The following GALK2 variants were observed in gnomAD, a reference collection of about 807,000 sequenced individuals.
The protein encoded by GALK2 is galactokinase 2, also known as N-acetylgalactosamine kinase.
Under a neutral mutation model 52.4 loss-of-function variants are expected in GALK2, and 36 were observed. The observed-to-expected ratio is 0.69, with a 90% CI of 0.53 to 0.91. The LOEUF (loss-of-function observed/expected upper bound fraction) is 0.91. Ranked by LOEUF, GALK2 falls within the 40% of genes least tolerant of loss-of-function variation. GALK2 has a pLI of 0.00. For synonymous variants in GALK2, 176 were observed against 199.1 expected, an observed-to-expected ratio of 0.88 and a Z score of 0.98; for missense variants, 579 against 559.1, an observed-to-expected ratio of 1.04 and a Z score of -0.36.
At chr15:49,231,712 AAG>A (rs2090513358) in intron 3 of GALK2, among the ~76,000 whole-genome samples, 1 of 152,244 alleles carries the variant, frequency 6.6e-6, no homozygotes, top group Admixed American at 6.5e-5. Context: ...AGCCAAAAGA[AAG>A]GGGCTACAGG....
At chr15:49,322,600 A>G (rs1230914524) in intron 9 of GALK2, among the ~76,000 whole-genome samples, 2 of 152,134 alleles carry the variant, frequency 1.3e-5, no homozygotes, top group Admixed American at 1.3e-4. Context: ...CAATCAATAC[A>G]TATTTTCACA....
At chr15:49,211,621 A>G (rs1030985625) in intron 2 of GALK2, among the ~76,000 whole-genome samples, 11 of 152,268 alleles carry the variant, frequency 7.2e-5, no homozygotes, top group African/African-American at 1.7e-4. Context: ...TTGGCTCACA[A>G]TTTTGCAGGC....
At chr15:49,354,270 G>A (rs991993789) in intron 3 of GALK2, among the ~76,000 whole-genome samples, 1 of 152,182 alleles carries the variant, frequency 6.6e-6, no homozygotes, top group Non-Finnish European at 1.5e-5. Context: ...GAACAGCTCC[G>A]GTCTACAGCT....
At chr15:49,298,793 T>C (rs1419426397) in intron 8 of GALK2, among the ~76,000 whole-genome samples, 5 of 152,186 alleles carry the variant, frequency 3.3e-5, no homozygotes, top group African/African-American at 1.2e-4. Flanking sequence ...TGTGATGTAC[T>C]GCTGGATTCA....
intron 2 of GALK2, among the ~76,000 whole-genome samples, chr15:49,203,733 C>A (rs1410935492): frequency 6.6e-6 from 1 of 152,056 alleles, no homozygotes; most frequent in Non-Finnish European, 1.5e-5. Context: ...TATTTTTATT[C>A]TTTTGCATAT....
At chr15:49,326,455 T>C (rs1257318867) in intron 9 of GALK2, among the ~76,000 whole-genome samples, 1 of 152,108 alleles carries the variant, frequency 6.6e-6, no homozygotes, top group East Asian at 1.9e-4. Context: ...TTTCACCATG[T>C]TGGTCAGGCT....
At chr15:49,336,413 C>T (rs2039721993), downstream of GALK2, among the ~76,000 whole-genome samples, 2 of 152,154 alleles carry the variant, frequency 1.3e-5, no homozygotes, top group Non-Finnish European at 2.9e-5. Flanking sequence ...GGAGACAGCT[C>T]CTCAGCTTGT....
intron 1 of GALK2, among the ~76,000 whole-genome samples, chr15:49,179,141 CAAT>C (rs910702429): frequency 3.9e-5 from 6 of 152,082 alleles, no homozygotes; most frequent in African/African-American, 1.4e-4. Flanking sequence ...CCTCCTTTCC[CAAT>C]GGTAATTACC....
In GALK2 at chr15:49,283,561, A is replaced by C; in HGVS notation, c.604-5A>C. 1.2e-6 allele frequency: 2 copies of C among 1,602,838 alleles called. No individual in the cohort carries two copies. The highest frequency in any genetic ancestry group is 8.5e-7 in the Non-Finnish European group (1 of 1,174,148). On this transcript the variant is annotated splice_polypyrimidine_tract_variant and splice_region_variant and intron_variant, in intron 6 of 9. Transcript: ENST00000560031. ...ATATTTCTCCTTTCATTTTTCTTCT[A>C]ACAGGCCAAGTTGATAGAATTTAGT...
intron 1 of GALK2, 127 bp downstream of exon 1, chr15:49,170,502 A>G: frequency 4.5e-6 from 4 of 892,700 alleles, no homozygotes; most frequent in East Asian, 2.6e-5. Context: ...AACCCTTGGG[A>G]TTCTATAAGG....
At chr15:49,284,271 T>C (rs1255818507) in intron 7 of GALK2, among the ~76,000 whole-genome samples, 1 of 152,172 alleles carries the variant, frequency 6.6e-6, no homozygotes, top group Non-Finnish European at 1.5e-5. Context: ...TAGTATTCAT[T>C]GACTAGCTAT....
Position 49,346,042 on chromosome 15 carries a change from G to A in GALK2, c.427-21449G>A, listed in dbSNP as rs1308869634. ...CTGCCCTGCTTGCTTTTGGTCACTT[G>A]CTTTTGTTATTTTTTTTTTTTTTCC... On this transcript the variant is annotated intron_variant, in intron 3 of 3. Coordinates refer to the GALK2 transcript ENST00000558399. Among the ~76,000 whole-genome samples the A allele has an allele frequency of 2.2e-5, 3 of 136,748 alleles. No individual in the cohort carries two copies. The East Asian group carries it at 6.1e-4, about 28-fold the overall frequency. 89.7% of individuals were successfully genotyped at this position (136,748 alleles called of 152,430 possible). A position where few individuals can be genotyped will look rare whatever the true frequency, so the allele number is the denominator to read the frequency against.
chr15:49,180,620 G>GT (rs1648378023), intron 1 of GALK2, among the ~76,000 whole-genome samples: 1 of 152,054 alleles, frequency 6.6e-6, no homozygotes, highest in South Asian at 2.1e-4. Flanking sequence ...TAAAAGCCAG[G>GT]TTTCTCAATA....
intron 7 of GALK2, among the ~76,000 whole-genome samples, chr15:49,286,842 A>G (rs1177953478): frequency 6.6e-6 from 1 of 152,126 alleles, no homozygotes; most frequent in Non-Finnish European, 1.5e-5. Context: ...TTGATGAGTA[A>G]GTGTTGCCTT....
At chr15:49,355,294 G>A (rs898108091) in intron 3 of GALK2, among the ~76,000 whole-genome samples, 5 of 152,314 alleles carry the variant, frequency 3.3e-5, no homozygotes, top group African/African-American at 9.6e-5. Context: ...ATTACTCTGA[G>A]CTACGGGAGG....
chr15:49,359,781 C>G (rs1015645149), intron 3 of GALK2, among the ~76,000 whole-genome samples: 3 of 135,084 alleles, frequency 2.2e-5, no homozygotes, highest in African/African-American at 8.4e-5. Context: ...TATAAAGACA[C>G]ATGCACATGT....
chr15:49,270,775 A>G lies in GALK2; in HGVS notation c.505-11212A>G, dbSNP rs368555435. Among the ~76,000 whole-genome samples the G allele has an allele frequency of 7.2e-5, 11 of 152,208 alleles. No homozygotes were observed. In the East Asian group the frequency reaches 1.3e-3, roughly 19 times the overall value. On this transcript the variant is annotated intron_variant, in intron 5 of 9. Coordinates refer to ENST00000560031, the MANE Select transcript of GALK2 (RefSeq NM_002044.4). ...CTTTCTTTCTCTTTCGTTTGCATCT[A>G]TATCTGTATGATCAGATCCATATTA... is the stretch of plus-strand genomic sequence containing the variant.
chr15:49,245,562 T>C (rs1443686531), intron 5 of GALK2, among the ~76,000 whole-genome samples: 9 of 152,068 alleles, frequency 5.9e-5, no homozygotes, highest in South Asian at 2.1e-4. Context: ...AGGCTAGAGA[T>C]TGAGAACAGA....
intron 3 of GALK2, among the ~76,000 whole-genome samples, chr15:49,231,829 G>A (rs2090518610): frequency 6.6e-6 from 1 of 152,242 alleles, no homozygotes; most frequent in African/African-American, 2.4e-5. Context: ...GGGGCAAGGG[G>A]TGGGCTCCTA....
Sources: gnomAD v4.1 joint callset for allele counts (sites outside exome capture counted in the v4.1 genomes callset) on GRCh38, gnomAD v4.1.1 for gene constraint, MANE v1.5 for transcripts, NCBI Gene and HGNC (gene_info 2026-07-23, HGNC 2026-07-21) for gene names.